Variants in TNRC6C observed in about 807,000 individuals in gnomAD.
TNRC6C encodes the protein trinucleotide repeat-containing gene 6C protein.
A neutral mutation model predicts 153.7 loss-of-function variants in TNRC6C; 20 were observed. The ratio of observed to expected loss-of-function variants is 0.13; its 90% CI spans 0.09 to 0.19. The LOEUF is 0.19. Among genes scored for constraint, TNRC6C ranks in the 10% least tolerant of loss-of-function variants. TNRC6C has a pLI of 1.00. For synonymous variants in TNRC6C, 811 were observed against 841.4 expected (o/e 0.96, Z 0.63); for missense variants, 1,987 against 2,172.0 (o/e 0.91, Z 1.69).
At chr17:77,958,237 C>T (rs1428750871), upstream of TNRC6C, among the ~76,000 whole-genome samples, 2 of 151,910 alleles carry the variant, frequency 1.3e-5, no homozygotes, top group Non-Finnish European at 2.9e-5. Context: ...ACCCACCGGA[C>T]GCGCAGAACC....
chr17:78,036,691 A>T (rs1037754207), intron 2 of TNRC6C, among the ~76,000 whole-genome samples: 9 of 152,294 alleles, frequency 5.9e-5, no homozygotes, highest in African/African-American at 2.2e-4. Flanking sequence ...TGAGAGGCCG[A>T]GGCAGGTGGA....
chr17:78,069,168 G>A (rs1252803087), intron 5 of TNRC6C, among the ~76,000 whole-genome samples: 1 of 151,958 alleles, frequency 6.6e-6, no homozygotes, highest in Non-Finnish European at 1.5e-5. Flanking sequence ...ATATCATAGA[G>A]AGGGCCAATC....
At chr17:78,039,636 G>T (rs574745904) in intron 2 of TNRC6C, among the ~76,000 whole-genome samples, 2 of 152,352 alleles carry the variant, frequency 1.3e-5, no homozygotes, top group Admixed American at 6.5e-5. Context: ...AGTGGTTAAT[G>T]CTGTGGCTGT....
At chr17:77,993,051 C>T (rs548173739) in intron 1 of TNRC6C, among the ~76,000 whole-genome samples, 20 of 152,216 alleles carry the variant, frequency 1.3e-4, no homozygotes, top group Non-Finnish European at 1.8e-4. Context: ...CTGCAACCTC[C>T]GCCTCCTGGG....
chr17:78,014,491 C>T (rs1253656312), intron 1 of TNRC6C, among the ~76,000 whole-genome samples: 1 of 151,876 alleles, frequency 6.6e-6, no homozygotes, highest in Non-Finnish European at 1.5e-5. Flanking sequence ...GATGTGCTTG[C>T]ATATATGATA....
chr17:78,075,459 A>C lies in TNRC6C; in HGVS notation c.3060+181A>C. The stretch of plus-strand genomic sequence containing the variant: ...CAAAGAAGGGAATGTCGTATTTCAT[A>C]AGATGTTACTGAGAATGAAAAAGAC... On this transcript the variant is annotated intron_variant, in intron 8 of 19. Transcript: ENST00000301624. This position sits in a 1 kb window ranked among gnomAD's most constrained non-coding sequence, Gnocchi z 4.2. 1 of 709,316 alleles carries C rather than the reference A, an allele frequency of 1.4e-6. No homozygotes were observed. The allele number at this position is 709,316 out of a possible 1,614,324, so 43.9% of individuals were successfully genotyped here.
chr17:78,000,744 A>G (rs375316989), upstream of TNRC6C, among the ~76,000 whole-genome samples: 5 of 151,906 alleles, frequency 3.3e-5, no homozygotes, highest in Admixed American at 2.0e-4. Flanking sequence ...GACGAGAAAC[A>G]TTTACAATTT....
At position 77,992,465 on chromosome 17, in the gene TNRC6C, T is replaced by G. The variant is rs1229318587; in HGVS notation, c.-37-11705T>G. 1.8e-4 allele frequency among the ~76,000 whole-genome samples: 8 copies of G among 43,600 alleles called. 2 individuals are homozygous for G. Among genetic ancestry groups the G allele is most frequent in the African/African-American group, 4.6e-4 (2 of 4,326 alleles). The allele number at this position is 43,600 out of a possible 152,430, so 28.6% of individuals were successfully genotyped here. A position where few individuals can be genotyped will look rare whatever the true frequency, so the allele number is the denominator to read the frequency against. ...GTGAGTCGAGATCGCGCCACTGCAC[T>G]CCAGCCTGGGCGACAGAGCGAGACT... On this transcript the variant is annotated intron_variant, in intron 1 of 22. Transcript: ENST00000636222.
intron 1 of TNRC6C, among the ~76,000 whole-genome samples, chr17:78,006,824 A>ATT (rs1403015208): frequency 6.9e-6 from 1 of 145,248 alleles, no homozygotes; most frequent in Non-Finnish European, 1.5e-5. Flanking sequence ...TTATTTATTT[A>ATT]TTTATTTTTT....
intron 4 of TNRC6C, chr17:78,066,525 T>C (rs1051156898): frequency 6.6e-6 from 1 of 152,210 alleles, no homozygotes; most frequent in Admixed American, 6.5e-5. Flanking sequence ...AATTTGTCCT[T>C]GGAGGCACAG....
chr17:78,005,696 G>A (rs17552162), intron 1 of TNRC6C, among the ~76,000 whole-genome samples: 4,913 of 152,194 alleles, frequency 0.032, 98 homozygotes, highest in Non-Finnish European at 0.052. Context: ...CAGTGGTTAA[G>A]AGCACCCACT....
chr17:78,085,990 A>G (rs1206189398), intron 11 of TNRC6C, among the ~76,000 whole-genome samples: 1 of 152,114 alleles, frequency 6.6e-6, no homozygotes, highest in East Asian at 1.9e-4. Flanking sequence ...GCACTAAAAA[A>G]GTGGATAAGA....
At chr17:78,094,918 G>A (rs2073457073) in intron 16 of TNRC6C, among the ~76,000 whole-genome samples, 1 of 152,198 alleles carries the variant, frequency 6.6e-6, no homozygotes, top group Non-Finnish European at 1.5e-5. Flanking sequence ...CCTGCTGTCA[G>A]ACACAGCCAA....
exon 20 of TNRC6C, chr17:78,106,219 C>T (rs997195649): frequency 1.3e-5 from 2 of 150,176 alleles, no homozygotes; most frequent in African/African-American, 4.9e-5. Context: ...TTTTCTCCTT[C>T]AGACTTTAAA....
intron 16 of TNRC6C, among the ~76,000 whole-genome samples, chr17:78,096,250 C>T (rs186469716): frequency 1.8e-4 from 28 of 152,186 alleles, no homozygotes; most frequent in East Asian, 7.7e-4. Flanking sequence ...CAGCAGACAC[C>T]GGGGCCTGCT....
chr17:78,023,806 C>CA (rs1179856408), intron 1 of TNRC6C, among the ~76,000 whole-genome samples: 6 of 148,856 alleles, frequency 4.0e-5, no homozygotes, highest in South Asian at 4.3e-4. Context: ...GACCCTGTCT[C>CA]AAAAAACAAA....
rs1484603787 is a variant in TNRC6C, at chr17:78,104,897, GGCTGGGCGGCCCCACAGACCC to G, written c.*58_*78del. The G allele has an allele frequency of 1.5e-5, 20 of 1,377,612 alleles. No homozygotes were observed. Among genetic ancestry groups the G allele is most frequent in the Non-Finnish European group, 1.9e-5 (20 of 1,070,464 alleles). 85.3% of individuals were successfully genotyped at this position (1,377,612 alleles called of 1,614,324 possible). On this transcript the variant is annotated 3_prime_UTR_variant, in exon 20 of 20. Coordinates refer to ENST00000301624, the Ensembl canonical transcript of TNRC6C. The surrounding 1 kb of genome is among the most constrained non-coding windows in gnomAD (Gnocchi z 6.2). ...GCCGACCCCTCCCGGGACCCCTCCC[GGCTGGGCGGCCCCACAGACCC>G]GCTGGAACCCAGCAGCGGCCGCCCT...
chr17:78,097,943 A>T (rs374583388), intron 16 of TNRC6C, 82 bp downstream of exon 19: 6 of 1,158,126 alleles, frequency 5.2e-6, no homozygotes, highest in Admixed American at 2.5e-5. Flanking sequence ...AGCTTTTCCT[A>T]TTGGCTCTTT....
intron 7 of TNRC6C, among the ~76,000 whole-genome samples, chr17:78,073,746 A>G (rs1284747731): frequency 1.3e-5 from 2 of 152,082 alleles, no homozygotes; most frequent in African/African-American, 2.4e-5. Context: ...ACCTTGTTTT[A>G]TATGTTTTTC....
Sources: allele counts gnomAD v4.1 joint callset (sites outside exome capture counted in the v4.1 genomes callset), GRCh38; gene constraint gnomAD v4.1.1; non-coding constraint Gnocchi (gnomAD v3.1); transcripts MANE v1.5; gene names NCBI Gene and HGNC (gene_info 2026-07-23, HGNC 2026-07-21).